ARHGAP39: variants seen among roughly 807,000 people sequenced by gnomAD.
ARHGAP39 encodes Rho GTPase activating protein 39.
In ARHGAP39, 44 loss-of-function variants were observed where a neutral mutation model predicts 106.9. That is an observed-to-expected ratio of 0.41 (90% confidence interval 0.32 to 0.53). The LOEUF (loss-of-function observed/expected upper bound fraction) is 0.53, where lower values mean the gene tolerates loss of function less well. Ranked by LOEUF, ARHGAP39 falls within the 20% of genes least tolerant of loss-of-function variation. The pLI is 0.21. For missense variants in ARHGAP39, 1,496 were observed against 1,577.3 expected (o/e 0.95, Z 0.87); for synonymous variants, 768 against 693.2 (o/e 1.11, Z -1.69).
In ARHGAP39 at chr8:144,645,671, A is replaced by G. The variant is rs1031263326; in HGVS notation, c.-81-39976T>C. 1.3e-5 allele frequency among the ~76,000 whole-genome samples: 2 copies of G among 152,244 alleles called. No homozygotes were observed. The highest frequency in any genetic ancestry group is 2.9e-5 in the Non-Finnish European group (2 of 68,034). On this transcript the variant is annotated intron_variant, in intron 1 of 11. Transcript: ENST00000377307. The surrounding 1 kb of genome is among the most constrained non-coding windows in gnomAD (Gnocchi z 4.4). ...ACATGACATGTAAAGTGCAAACATG[A>G]GGGATTCTTATCCTCTAGAAAAAAC...
At position 144,591,994 on chromosome 8, in the gene ARHGAP39, T is replaced by C. The variant is rs781245198; in HGVS notation, c.81-10717A>G. Among the ~76,000 whole-genome samples the C allele has an allele frequency of 3.0e-4, 46 of 152,104 alleles. No individual in the cohort carries two copies. Among genetic ancestry groups the C allele is most frequent in the Admixed American group, 3.0e-3 (46 of 15,282 alleles). On this transcript the variant is annotated intron_variant, in intron 2 of 11. Transcript: ENST00000377307. This position sits in a 1 kb window ranked among gnomAD's most constrained non-coding sequence, Gnocchi z 5.3. ...TCTGTTAGATTTTAGCAGAACAAAG[T>C]TGAGATACTCCCAAAATAGTTTTTC...
intron 2 of ARHGAP39, among the ~76,000 whole-genome samples, chr8:144,589,370 G>A (rs1415209125): frequency 5.3e-5 from 8 of 152,228 alleles, no homozygotes; most frequent in Admixed American, 1.3e-4. Context: ...CCTACCCTGG[G>A]GCAGGGAGTC....
chr8:144,545,719 G>T lies in ARHGAP39; in HGVS notation c.2051C>A (p.Thr684Lys), dbSNP rs978211816. 1 of 1,612,708 alleles carries T rather than the reference G, an allele frequency of 6.2e-7. No homozygotes were observed. The highest frequency in any genetic ancestry group is 1.7e-4 in the Middle Eastern group (1 of 6,056). Residue 684 changes from threonine to lysine, a missense_variant, in exon 6 of 12, where the codon ACG becomes AAG. Transcript: ENST00000377307. The part of the protein sequence containing the change: ...PSSSCVFPTF[T>K]LRKPSSETDI... Reference sequence around the variant, plus strand: ...CGTCTCCGAGGAGGGCTTGCGCAGCGTGAAAGTGGGGAAGACGCAGCTGGA... The same window carrying T: ...CGTCTCCGAGGAGGGCTTGCGCAGCTTGAAAGTGGGGAAGACGCAGCTGGA...
At chr8:144,623,781 G>A (rs551491850) in intron 1 of ARHGAP39, among the ~76,000 whole-genome samples, 37 of 152,352 alleles carry the variant, frequency 2.4e-4, no homozygotes, top group South Asian at 1.2e-3. Context: ...AGAGGCCGCA[G>A]CACCCAGGCA....
At chr8:144,674,416 G>A (rs1822179370) in intron 1 of ARHGAP39, among the ~76,000 whole-genome samples, 1 of 152,250 alleles carries the variant, frequency 6.6e-6, no homozygotes, top group Admixed American at 6.5e-5. Flanking sequence ...TCTGCAGGCA[G>A]GCTGTCCTGT....
At chr8:144,664,092 A>T (rs1248711802) in intron 1 of ARHGAP39, among the ~76,000 whole-genome samples, 1 of 152,102 alleles carries the variant, frequency 6.6e-6, no homozygotes, top group Non-Finnish European at 1.5e-5. Context: ...GCTTGAACCC[A>T]GGAGGCGGAG....
chr8:144,596,871 G>A (rs1023252442), intron 2 of ARHGAP39, among the ~76,000 whole-genome samples: 1 of 152,224 alleles, frequency 6.6e-6, no homozygotes, highest in Non-Finnish European at 1.5e-5. Context: ...ACCGGAGGGC[G>A]CAGGCTCTGC....
Position 144,646,613 on chromosome 8 carries a change from G to C in ARHGAP39, c.-82+39073C>G, listed in dbSNP as rs540192564. The stretch of plus-strand genomic sequence containing the variant: ...CTTTCTGCACCACCGCACAATGTTA[G>C]AGCTCTGCGCCTGGGCTACCTTCAT... On this transcript the variant is annotated intron_variant, in intron 1 of 11. Coordinates refer to ENST00000377307, the MANE Select transcript of ARHGAP39 (RefSeq NM_025251.3). The surrounding 1 kb of genome is among the most constrained non-coding windows in gnomAD (Gnocchi z 5.7). Among the ~76,000 whole-genome samples, 12 of 152,180 alleles carry C rather than the reference G, an allele frequency of 7.9e-5. No homozygotes were observed. The highest frequency in any genetic ancestry group is 1.6e-4 in the Non-Finnish European group (11 of 68,028).
chr8:144,596,212 C>T (rs1819615919), intron 2 of ARHGAP39, among the ~76,000 whole-genome samples: 1 of 151,208 alleles, frequency 6.6e-6, no homozygotes, highest in African/African-American at 2.4e-5. Context: ...GAGGGGATGG[C>T]TAAGGCCTCG....
rs1159327974 is a variant in ARHGAP39 at position 144,684,784 on chromosome 8, G to A, written c.-82+902C>T. Among the ~76,000 whole-genome samples the A allele has an allele frequency of 6.6e-6, 1 of 152,242 alleles. No homozygotes were observed. Among genetic ancestry groups the A allele is most frequent in the African/African-American group, 2.4e-5 (1 of 41,466 alleles). On this transcript the variant is annotated intron_variant, in intron 1 of 11. Coordinates refer to ENST00000377307, the MANE Select transcript of ARHGAP39 (RefSeq NM_025251.3). The surrounding 1 kb of genome is among the most constrained non-coding windows in gnomAD (Gnocchi z 4.4). Reference sequence around the variant, plus strand: ...ATTCCAGCTCGGGGGGCAACCGGGAGGGGAAGGCTCCGAGCGCCGGAGCCC... The same window carrying A: ...ATTCCAGCTCGGGGGGCAACCGGGAAGGGAAGGCTCCGAGCGCCGGAGCCC...
rs554195904 is a variant in ARHGAP39 at position 144,530,650 on chromosome 8, GGGGGC to G, written c.3151-39_3151-35del. The G allele has an allele frequency of 4.8e-5, 74 of 1,534,230 alleles. No individual in the cohort carries two copies. The African/African-American group carries it at 5.5e-4, about 11-fold the overall frequency. Reference sequence around the variant, plus strand: ...GGAGCGAGGGTGGGCGCGGAGGGGCGGGGGCGGGGCGGGGAGGGGAAAGCAGCGGG... The same window carrying G: ...GGAGCGAGGGTGGGCGCGGAGGGGCGGGGGCGGGGAGGGGAAAGCAGCGGG... On this transcript the variant is annotated intron_variant, in intron 11 of 11. Transcript: ENST00000377307.
At chr8:144,687,564 G>T (rs71211791), upstream of ARHGAP39, among the ~76,000 whole-genome samples, 3 of 3,386 alleles carry the variant, frequency 8.9e-4, 1 homozygote, top group Non-Finnish European at 5.7e-4. Context: ...ACCACACACT[G>T]GCGGTGAGCA....
At chr8:144,699,604 C>T in the ARHGAP39 span, among the ~76,000 whole-genome samples, 1 of 87,566 alleles carries the variant, frequency 1.1e-5, no homozygotes, top group Non-Finnish European at 2.2e-5. Flanking sequence ...GGAGGGGAGG[C>T]TGTGTGGGCG....
chr8:144,548,207 T>A lies in ARHGAP39; in HGVS notation c.879A>T (p.Arg293=), dbSNP rs780258672. The part of the protein sequence containing the change: ...GSSSPLLAQP[R]KPSGDSQPSS... ...AGGGCTGCGAGTCCCCGGAGGGCTT[T>A]CGGGGCTGGGCCAGCAGCGGGGAGC... Residue 293 remains arginine (R), a synonymous_variant, in exon 5 of 12, where the codon CGA becomes CGT. Coordinates refer to ENST00000377307, the MANE Select transcript of ARHGAP39 (RefSeq NM_025251.3). This position sits in a 1 kb window ranked among gnomAD's most constrained non-coding sequence, Gnocchi z 7.4. The A allele has an allele frequency of 2.1e-5, 34 of 1,596,426 alleles. No homozygotes were observed. The highest frequency in any genetic ancestry group is 2.7e-5 in the Non-Finnish European group (32 of 1,170,606).
At chr8:144,588,175 G>A (rs1819254090) in intron 2 of ARHGAP39, among the ~76,000 whole-genome samples, 1 of 152,238 alleles carries the variant, frequency 6.6e-6, no homozygotes, top group African/African-American at 2.4e-5. Flanking sequence ...TCGTTGCCCT[G>A]GGCCTGCAGC....
In ARHGAP39 at chr8:144,530,815, A is replaced by G; in HGVS notation, c.3037T>C (p.Phe1013Leu). ...TAGTGCGCGATGCACTGCTCGTAGAACTCGTGCGGGATCAGGGGCTCCTCC... is the reference window on the plus strand; with the variant it reads ...TAGTGCGCGATGCACTGCTCGTAGAGCTCGTGCGGGATCAGGGGCTCCTCC... Reference protein sequence around the residue: ...ELEEPLIPHEFYEQCIAHYDS... With the variant: ...ELEEPLIPHELYEQCIAHYDS... The change falls in exon 11 of 12, where the codon TTC (phenylalanine) becomes CTC (leucine). Residue 1013 changes from phenylalanine (F) to leucine (L), a missense_variant. Around this residue, in one of 4 missense-constraint regions of ARHGAP39, gnomAD observed 470 missense variants for 605.1 expected, o/e 0.78. Coordinates refer to ENST00000377307, the MANE Select transcript of ARHGAP39 (RefSeq NM_025251.3). 1.2e-6 allele frequency: 2 copies of G among 1,611,818 alleles called. No individual in the cohort carries two copies. The highest frequency in any genetic ancestry group is 2.7e-5 in the African/African-American group (2 of 75,008).
intron 1 of ARHGAP39, among the ~76,000 whole-genome samples, chr8:144,631,208 G>A (rs891331506): frequency 5.9e-5 from 9 of 152,198 alleles, no homozygotes. Flanking sequence ...AACACCTCCC[G>A]CCAGACCCCA....
In ARHGAP39 at chr8:144,641,392, A is replaced by G. The variant is rs1821310268; in HGVS notation, c.-81-35697T>C. On this transcript the variant is annotated intron_variant, in intron 1 of 11. Transcript: ENST00000377307. The surrounding 1 kb of genome is among the most constrained non-coding windows in gnomAD (Gnocchi z 5.2). ...ACAACATGGAGATGCAGACGCAGGCAGATGATGGGCTGGTAAAGCGAAGCT... is the reference window on the plus strand; with the variant it reads ...ACAACATGGAGATGCAGACGCAGGCGGATGATGGGCTGGTAAAGCGAAGCT... Among the ~76,000 whole-genome samples, 1 of 152,128 alleles carries G rather than the reference A, an allele frequency of 6.6e-6. No homozygotes were observed. The highest frequency in any genetic ancestry group is 1.5e-5 in the Non-Finnish European group (1 of 68,004).
the ARHGAP39 span, among the ~76,000 whole-genome samples, chr8:144,699,426 G>T: frequency 5.2e-5 from 5 of 95,250 alleles, no homozygotes; most frequent in African/African-American, 2.2e-4. Flanking sequence ...AATGTGGAGG[G>T]TCATAGGTTG....
Sources: gnomAD v4.1 joint callset for allele counts (sites outside exome capture counted in the v4.1 genomes callset) on GRCh38, gnomAD v4.1.1 for gene constraint, gnomAD v4.1.1 regional missense constraint, Gnocchi (gnomAD v3.1) non-coding constraint, MANE v1.5 for transcripts, NCBI Gene and HGNC (gene_info 2026-07-23, HGNC 2026-07-21) for gene names.